The following PYROXD1 variants were observed in gnomAD, a reference collection of about 807,000 sequenced individuals.
PYROXD1 encodes the protein tRNA ligase complex-associated NAD(P)H dehydrogenase PYROXD1.
PYROXD1 carries 42 observed loss-of-function variants against 62.0 expected under a neutral mutation model. The ratio of observed to expected loss-of-function variants is 0.68; its 90% confidence interval spans 0.53 to 0.88. The LOEUF is 0.88. Among genes scored for constraint, PYROXD1 ranks in the 40% least tolerant of loss-of-function variants. The pLI is 0.00. For missense variants in PYROXD1, 493 were observed against 604.8 expected (o/e 0.82, Z 1.94); for synonymous variants, 170 against 206.4 (o/e 0.82, Z 1.51).
rs867313261 is a variant in PYROXD1, at chr12:21,441,556, T to C, written c.165+1108T>C. Among the ~76,000 whole-genome samples, 6 of 152,212 alleles carry C rather than the reference T, an allele frequency of 3.9e-5. No homozygotes were observed. The East Asian group carries it at 5.8e-4, about 15-fold the overall frequency. ...TTCTTCTGTGTGATCAGTTCTCTTG[T>C]TGACATAGTCTGTTGCATTTTTTTT... On this transcript the variant is annotated intron_variant, in intron 2 of 11. Transcript: ENST00000240651.
chr12:21,457,916 G>T (rs888936104), intron 7 of PYROXD1, among the ~76,000 whole-genome samples: 3 of 148,354 alleles, frequency 2.0e-5, no homozygotes, highest in Non-Finnish European at 3.0e-5. Context: ...TGTCATCCAG[G>T]CTTTGTTGTT....
chr12:21,453,044 C>T (rs1218730168), intron 5 of PYROXD1, among the ~76,000 whole-genome samples: 1 of 151,978 alleles, frequency 6.6e-6, no homozygotes, highest in Non-Finnish European at 1.5e-5. Flanking sequence ...TGGAGAAATA[C>T]AGAGAAAGGG....
intron 7 of PYROXD1, chr12:21,456,918 C>T (rs1233710950): frequency 2.2e-6 from 1 of 451,402 alleles, no homozygotes; most frequent in Admixed American, 2.4e-5. Context: ...TAACTACGTT[C>T]TTTGCTCATC....
intron 3 of PYROXD1, among the ~76,000 whole-genome samples, chr12:21,449,286 G>A (rs1303126969): frequency 6.6e-6 from 1 of 152,108 alleles, no homozygotes; most frequent in South Asian, 2.1e-4. Flanking sequence ...ACAAAACTTT[G>A]TGTGAATGTA....
At chr12:21,468,071 G>A (rs1178892830) in intron 11 of PYROXD1, among the ~76,000 whole-genome samples, 3 of 151,274 alleles carry the variant, frequency 2.0e-5, no homozygotes, top group African/African-American at 7.3e-5. Context: ...AAAGCCTCAG[G>A]GAAATTAAGA....
In PYROXD1 at chr12:21,448,003, G is replaced by A. The variant is rs190489700; in HGVS notation, c.286-1560G>A. 1.8e-3 allele frequency: 687 copies of A among 382,088 alleles called. 5 individuals are homozygous for A. The highest frequency in any genetic ancestry group is 0.013 in the African/African-American group (624 of 47,514). The allele number at this position is 382,088 out of a possible 1,614,324, so 23.7% of individuals were successfully genotyped here. A position where few individuals can be genotyped will look rare whatever the true frequency, so the allele number is the denominator to read the frequency against. On this transcript the variant is annotated intron_variant, in intron 3 of 11. Coordinates refer to ENST00000240651, the MANE Select transcript of PYROXD1 (RefSeq NM_024854.5). ...ATCTAAAAAAAAAAAAAACACATGC[G>A]TACTTTTGATAGCACGTGTGAAGGT...
chr12:21,442,813 G>GT (rs1435895757), intron 2 of PYROXD1, among the ~76,000 whole-genome samples: 1 of 152,202 alleles, frequency 6.6e-6, no homozygotes, highest in African/African-American at 2.4e-5. Context: ...TACCACAGTG[G>GT]TCCCCACCAT....
At chr12:21,449,423 CAA>C in intron 3 of PYROXD1, 138 bp from the exon 4 acceptor site, 1 of 619,028 alleles carries the variant, frequency 1.6e-6, no homozygotes, top group Non-Finnish European at 2.7e-6. Context: ...ATTGCTATAA[CAA>C]AGAACTGAGT....
intron 2 of PYROXD1, among the ~76,000 whole-genome samples, chr12:21,441,592 A>G (rs894906601): frequency 1.4e-4 from 21 of 151,430 alleles, no homozygotes; most frequent in African/African-American, 3.6e-4. Flanking sequence ...TGTTTCATTC[A>G]TTGCATCTTT....
intron 2 of PYROXD1, among the ~76,000 whole-genome samples, chr12:21,442,841 C>G (rs1942320878): frequency 6.6e-6 from 1 of 152,204 alleles, no homozygotes; most frequent in East Asian, 1.9e-4. Context: ...ATACTGATAG[C>G]CTCTGCCTTT....
intron 5 of PYROXD1, among the ~76,000 whole-genome samples, chr12:21,453,890 A>T (rs1171014972): frequency 6.6e-6 from 1 of 152,066 alleles, no homozygotes; most frequent in Non-Finnish European, 1.5e-5. Flanking sequence ...ATTACATGAT[A>T]ACTGTATGCC....
At chr12:21,446,410 G>A (rs555143714) in intron 3 of PYROXD1, among the ~76,000 whole-genome samples, 1 of 152,186 alleles carries the variant, frequency 6.6e-6, no homozygotes, top group East Asian at 1.9e-4. Flanking sequence ...GGGCGACAGA[G>A]CGAGACTCCT....
chr12:21,457,856 C>T (rs958971184), intron 7 of PYROXD1, among the ~76,000 whole-genome samples: 13 of 54,298 alleles, frequency 2.4e-4, no homozygotes, highest in African/African-American at 9.1e-4. Flanking sequence ...TTGGGGATTA[C>T]AATTTGATAT....
At chr12:21,448,308 T>TC (rs1942430540) in intron 3 of PYROXD1, 1 of 326,386 alleles carries the variant, frequency 3.1e-6, no homozygotes, top group Non-Finnish European at 5.9e-6. Context: ...GTGGCTCACT[T>TC]CCGTCTGGAG....
intron 7 of PYROXD1, chr12:21,460,824 T>G: frequency 2.9e-6 from 1 of 345,850 alleles, no homozygotes; most frequent in Non-Finnish European, 5.3e-6. Context: ...ACCAGATCTC[T>G]TAAGTTACTG....
Position 21,462,788 on chromosome 12 carries a change from A to C in PYROXD1, c.1042A>C (p.Thr348Pro), listed in dbSNP as rs766148456. The C allele has an allele frequency of 6.2e-7, 1 of 1,613,956 alleles. No individual in the cohort carries two copies. Among genetic ancestry groups the C allele is most frequent in the Non-Finnish European group, 8.5e-7 (1 of 1,179,830 alleles). ...CCTGAAAGTGGATGATCATATGCAC[A>C]CATCCCTTCCTGATATCTATGCTGC... The part of the protein sequence containing the change: ...GGLKVDDHMH[T>P]SLPDIYAAGD... The change falls in exon 10 of 12, where the codon ACA (threonine) becomes CCA (proline). Residue 348 changes from threonine (T) to proline (P), a missense_variant. By Grantham distance (38) the Thr-to-Pro change is conservative. Coordinates refer to ENST00000240651, the MANE Select transcript of PYROXD1 (RefSeq NM_024854.5).
At position 21,470,348 on chromosome 12, in the gene PYROXD1, T is replaced by G. The variant is rs756192830; in HGVS notation, c.*1594T>G. 8 of 716,868 alleles carry G rather than the reference T, an allele frequency of 1.1e-5. No individual in the cohort carries two copies. Among genetic ancestry groups the G allele is most frequent in the Non-Finnish European group, 1.4e-5 (8 of 569,500 alleles). The allele number at this position is 716,868 out of a possible 1,614,324, so 44.4% of individuals were successfully genotyped here. The stretch of plus-strand genomic sequence containing the variant: ...ATGACAAGTTTGAGACGATTCAGCC[T>G]ACAAAAAAAAAAAAAAAACAAAGCA... On this transcript the variant is annotated 3_prime_UTR_variant, in exon 12 of 12. Coordinates refer to ENST00000240651, the MANE Select transcript of PYROXD1 (RefSeq NM_024854.5).
Position 21,462,786 on chromosome 12 carries a change from A to G in PYROXD1, c.1040A>G (p.His347Arg), listed in dbSNP as rs142346936. ...GGCCTGAAAGTGGATGATCATATGC[A>G]CACATCCCTTCCTGATATCTATGCT... Reference protein sequence around the residue: ...DGGLKVDDHMHTSLPDIYAAG... With the variant: ...DGGLKVDDHMRTSLPDIYAAG... Residue 347 changes from histidine to arginine, a missense_variant, in exon 10 of 12, where the codon CAC (histidine) becomes CGC (arginine). His to Arg is a conservative substitution (Grantham distance 29). This residue lies in a region of PYROXD1 where 329 missense variants were observed against 446.6 expected (regional missense o/e 0.74). Transcript: ENST00000240651. 2.5e-6 allele frequency: 4 copies of G among 1,613,804 alleles called. No individual in the cohort carries two copies. The African/African-American group carries it at 4.0e-5, about 16-fold the overall frequency.
chr12:21,463,650 C>T (rs1283999037), intron 10 of PYROXD1, among the ~76,000 whole-genome samples: 2 of 149,462 alleles, frequency 1.3e-5, no homozygotes, highest in African/African-American at 5.0e-5. Flanking sequence ...TGAGATCGCA[C>T]CACTGCACCC....
Sources: gnomAD v4.1 joint callset for allele counts (sites outside exome capture counted in the v4.1 genomes callset) on GRCh38, gnomAD v4.1.1 for gene constraint, gnomAD v4.1.1 regional missense constraint, MANE v1.5 for transcripts, NCBI Gene and HGNC (gene_info 2026-07-23, HGNC 2026-07-21) for gene names.